The following NIPBL variants were observed in gnomAD, a reference collection of about 807,000 sequenced individuals.
The protein encoded by NIPBL is nipped-B-like protein.
Under a neutral mutation model 321.8 loss-of-function variants are expected in NIPBL, and 19 were observed. The ratio of observed to expected loss-of-function variants is 0.06; its 90% CI spans 0.04 to 0.09. The LOEUF (loss-of-function observed/expected upper bound fraction) is 0.09, where lower values mean the gene tolerates loss of function less well. Among genes scored for constraint, NIPBL ranks in the 10% least tolerant of loss-of-function variants. The pLI, the probability that NIPBL is intolerant of heterozygous loss-of-function variation, is 1.00. For missense variants in NIPBL, 2,210 were observed against 3,327.0 expected (o/e 0.66, Z 8.26); for synonymous variants, 1,106 against 1,114.1 (o/e 0.99, Z 0.14).
At chr5:36,912,625 C>T (rs1748134385) in intron 1 of NIPBL, among the ~76,000 whole-genome samples, 1 of 151,834 alleles carries the variant, frequency 6.6e-6, no homozygotes, top group Admixed American at 6.6e-5. Context: ...CCTCAGCCTC[C>T]TGAGTAGCTG....
chr5:36,999,617 C>T (rs1746551220), intron 11 of NIPBL, among the ~76,000 whole-genome samples: 1 of 152,214 alleles, frequency 6.6e-6, no homozygotes. Context: ...TTTGCCAGGT[C>T]TGCCTAAAGG....
chr5:36,978,622 T>G (rs969408182), intron 9 of NIPBL, among the ~76,000 whole-genome samples: 2 of 152,036 alleles, frequency 1.3e-5, no homozygotes, highest in African/African-American at 4.8e-5. Flanking sequence ...TTTCTTTGTG[T>G]TGTTTTTGCT....
intron 32 of NIPBL, among the ~76,000 whole-genome samples, chr5:37,032,385 A>ATGTGTG (rs1751138152): frequency 1.0e-5 from 1 of 98,980 alleles, no homozygotes; most frequent in Non-Finnish European, 2.1e-5. Flanking sequence ...ATACATGTAT[A>ATGTGTG]CGTGTGTGTG....
intron 21 of NIPBL, among the ~76,000 whole-genome samples, chr5:37,013,408 A>G (rs1748478726): frequency 6.7e-6 from 1 of 149,274 alleles, no homozygotes; most frequent in East Asian, 2.0e-4. Flanking sequence ...CTCACTTCCC[A>G]GACAGGGTGG....
At chr5:37,028,250 G>A (rs570655323) in intron 32 of NIPBL, among the ~76,000 whole-genome samples, 31 of 150,672 alleles carry the variant, frequency 2.1e-4, no homozygotes, top group Non-Finnish European at 3.5e-4. Context: ...AAAATTATCA[G>A]CATTTTCCCA....
intron 1 of NIPBL, chr5:36,886,186 G>T (rs1745892829): frequency 3.1e-6 from 2 of 649,052 alleles, no homozygotes; most frequent in Middle Eastern, 4.1e-4. Flanking sequence ...GAGGGAGGTG[G>T]AGACCTGCTA....
At chr5:37,006,677 A>G in intron 17 of NIPBL, 89 bp downstream of exon 17, 2 of 732,920 alleles carry the variant, frequency 2.7e-6, no homozygotes, top group East Asian at 2.7e-5. Flanking sequence ...AAATTTTTGA[A>G]TCATATAACT....
At chr5:37,059,319 C>T (rs1400412220) in intron 44 of NIPBL, among the ~76,000 whole-genome samples, 154 bp downstream of exon 44, 1 of 152,096 alleles carries the variant, frequency 6.6e-6, no homozygotes, top group Non-Finnish European at 1.5e-5. Flanking sequence ...CCAGCCTGGC[C>T]AACATGGTGA....
intron 27 of NIPBL, 65 bp downstream of exon 27, chr5:37,020,942 A>G (rs2149697113): frequency 1.9e-6 from 2 of 1,041,196 alleles, no homozygotes; most frequent in East Asian, 4.7e-5. Context: ...GCTTGTGAGC[A>G]GTATATAATA....
chr5:36,967,152 A>T (rs886786255), intron 6 of NIPBL, among the ~76,000 whole-genome samples: 5 of 152,122 alleles, frequency 3.3e-5, no homozygotes, highest in Non-Finnish European at 7.4e-5. Context: ...AATTTACTGG[A>T]AAAGAATAGC....
intron 1 of NIPBL, among the ~76,000 whole-genome samples, chr5:36,935,512 C>T (rs924363610): frequency 6.6e-6 from 1 of 152,124 alleles, no homozygotes; most frequent in Non-Finnish European, 1.5e-5. Flanking sequence ...GTATTGAGGG[C>T]TCTCTTCGTT....
rs144238532 is a variant in NIPBL, at chr5:36,971,977, A to G, written c.804A>G (p.Ala268=). The G allele has an allele frequency of 8.5e-5, 137 of 1,613,440 alleles. No individual in the cohort carries two copies. In the African/African-American group the frequency reaches 1.6e-3, roughly 19 times the overall value. ...ATTCTTCAACAATGAGGAATGCTGC[A>G]TCTTTTCCCTTGAGATCTCCACAGC... ...DGDSSTMRNA[A]SFPLRSPQPV... Residue 268 remains alanine (A), a synonymous_variant, in exon 8 of 47, where the codon GCA becomes GCG. Transcript: ENST00000282516.
chr5:36,981,429 A>G (rs889656514), intron 9 of NIPBL, among the ~76,000 whole-genome samples: 1 of 151,640 alleles, frequency 6.6e-6, no homozygotes, highest in African/African-American at 2.4e-5. Flanking sequence ...TCTAGCCGCT[A>G]GGTATTTATG....
At chr5:36,903,084 A>G (rs114980944) in intron 1 of NIPBL, among the ~76,000 whole-genome samples, 311 of 152,284 alleles carry the variant, frequency 2.0e-3, no homozygotes, top group African/African-American at 7.1e-3. Context: ...TCATTGGTTT[A>G]TAGAAATGCT....
chr5:36,950,375 A>G lies in NIPBL; in HGVS notation c.-79-3243A>G, dbSNP rs530845262. On this transcript the variant is annotated intron_variant, in intron 1 of 46. Coordinates refer to ENST00000282516, the MANE Select transcript of NIPBL (RefSeq NM_133433.4). Reference sequence around the variant, plus strand: ...TGCCAGGTGGTATGTCAAATGATATATGTGCATTATTTTATTTTATTCTCA... The same window carrying G: ...TGCCAGGTGGTATGTCAAATGATATGTGTGCATTATTTTATTTTATTCTCA... Among the ~76,000 whole-genome samples the G allele has an allele frequency of 9.2e-5, 14 of 152,132 alleles. No homozygotes were observed. In the South Asian group the frequency reaches 2.9e-3, roughly 32 times the overall value.
intron 37 of NIPBL, among the ~76,000 whole-genome samples, 170 bp downstream of exon 37, chr5:37,045,767 A>G (rs1225802713): frequency 1.3e-5 from 2 of 152,198 alleles, no homozygotes; most frequent in African/African-American, 4.8e-5. Context: ...CTGCTAATCC[A>G]TCAACTTTTT....
At chr5:36,947,848 A>G (rs935477723) in intron 1 of NIPBL, among the ~76,000 whole-genome samples, 1 of 151,952 alleles carries the variant, frequency 6.6e-6, no homozygotes, top group African/African-American at 2.4e-5. Flanking sequence ...AGGTTTAATA[A>G]TGTTCTTTTT....
rs1554029663 is a variant in NIPBL, at chr5:37,036,363, A to ATATATATATATATG, written c.5863-11_5863-10insATATATATGTATAT. 2.4e-4 allele frequency: 140 copies of ATATATATATATATG among 575,902 alleles called. 1 individual carries two copies. In the African/African-American group the frequency reaches 2.8e-3, roughly 11 times the overall value. The allele number at this position is 575,902 out of a possible 1,614,324, so 35.7% of individuals were successfully genotyped here. On this transcript the variant is annotated splice_polypyrimidine_tract_variant and intron_variant, in intron 32 of 46. Coordinates refer to ENST00000282516, the MANE Select transcript of NIPBL (RefSeq NM_133433.4). ...TATATATATGTATATATATATATAT[A>ATATATATATATATG]TATATGTATATATAGTTGTTGAAGT... is the stretch of plus-strand genomic sequence containing the variant.
At chr5:36,902,990 G>A (rs1171600691) in intron 1 of NIPBL, among the ~76,000 whole-genome samples, 1 of 152,010 alleles carries the variant, frequency 6.6e-6, no homozygotes. Flanking sequence ...TCACATCCCT[G>A]GTTAGCTGTA....
Sources: gnomAD v4.1 joint callset for allele counts (sites outside exome capture counted in the v4.1 genomes callset) on GRCh38, gnomAD v4.1.1 for gene constraint, MANE v1.5 for transcripts, NCBI Gene and HGNC (gene_info 2026-07-23, HGNC 2026-07-21) for gene names.